LYPLAL1: variants seen among roughly 807,000 people sequenced by gnomAD.
LYPLAL1 encodes the protein lysophospholipase like 1, also known as lysophospholipase-like protein 1.
A neutral mutation model predicts 19.7 loss-of-function variants in LYPLAL1; 23 were observed. That is an observed-to-expected ratio of 1.17 (90% CI 0.84 to 1.65). The LOEUF is 1.65. LYPLAL1 is among the 40% of genes most tolerant of loss of function. The pLI is 0.00. For missense variants in LYPLAL1, 355 were observed against 279.4 expected (o/e 1.27, Z -1.93); for synonymous variants, 119 against 96.3 (o/e 1.24, Z -1.38).
At chr1:219,436,976 A>G in the LYPLAL1 span, 1 of 152,178 alleles carries the variant, frequency 6.6e-6, no homozygotes, top group African/African-American at 2.4e-5. Context: ...TTCTTGATAT[A>G]TTAGACAACA....
At chr1:219,417,096 CT>C in the LYPLAL1 span, among the ~76,000 whole-genome samples, 1 of 152,154 alleles carries the variant, frequency 6.6e-6, no homozygotes, top group Non-Finnish European at 1.5e-5. Context: ...TTTTTTCCCC[CT>C]TTCCAAACTA....
chr1:219,420,566 T>A, the LYPLAL1 span, among the ~76,000 whole-genome samples: 1 of 152,192 alleles, frequency 6.6e-6, no homozygotes, highest in African/African-American at 2.4e-5. Flanking sequence ...ACACTGATGG[T>A]TTTGCAAATC....
At chr1:219,385,386 G>A in the LYPLAL1 span, among the ~76,000 whole-genome samples, 1 of 152,140 alleles carries the variant, frequency 6.6e-6, no homozygotes, top group African/African-American at 2.4e-5. Flanking sequence ...TCAAAAGTTT[G>A]CAACAGATGG....
chr1:219,366,004 G>C, the LYPLAL1 span, among the ~76,000 whole-genome samples: 1 of 152,062 alleles, frequency 6.6e-6, no homozygotes, highest in African/African-American at 2.4e-5. Context: ...TTGTGTATTG[G>C]ACCTTATCTC....
the LYPLAL1 span, among the ~76,000 whole-genome samples, chr1:219,396,690 A>G: frequency 3.3e-5 from 5 of 152,078 alleles, no homozygotes; most frequent in East Asian, 7.7e-4. Context: ...ATGTGTGGCA[A>G]TTTTGAATGA....
At chr1:219,186,154 G>T (rs1240600966) in intron 2 of LYPLAL1, among the ~76,000 whole-genome samples, 1 of 151,706 alleles carries the variant, frequency 6.6e-6, no homozygotes, top group Non-Finnish European at 1.5e-5. Context: ...AGCTATTCTA[G>T]ATATTCTTAT....
the LYPLAL1 span, among the ~76,000 whole-genome samples, chr1:219,334,685 A>G: frequency 6.6e-6 from 1 of 151,974 alleles, no homozygotes; most frequent in African/African-American, 2.4e-5. Flanking sequence ...TTAGTATGAA[A>G]TAGATTCCCA....
At chr1:219,226,924 C>G in the LYPLAL1 span, among the ~76,000 whole-genome samples, 1 of 152,136 alleles carries the variant, frequency 6.6e-6, no homozygotes, top group Non-Finnish European at 1.5e-5. Context: ...AAGTTACTTG[C>G]AAAACCAATT....
the LYPLAL1 span, among the ~76,000 whole-genome samples, chr1:219,298,218 G>T: frequency 6.6e-6 from 1 of 152,124 alleles, no homozygotes; most frequent in Non-Finnish European, 1.5e-5. Context: ...GCTGAGGTGG[G>T]AGAATCACCT....
chr1:219,249,678 G>T, the LYPLAL1 span, among the ~76,000 whole-genome samples: 2 of 152,118 alleles, frequency 1.3e-5, no homozygotes, highest in South Asian at 4.1e-4. Flanking sequence ...AGTACTAGTT[G>T]CTTCATATTG....
the LYPLAL1 span, among the ~76,000 whole-genome samples, chr1:219,280,038 A>G: frequency 6.6e-6 from 1 of 152,228 alleles, no homozygotes; most frequent in Admixed American, 6.5e-5. Context: ...TTTCACCCAG[A>G]TGAGGTGGCA....
At chr1:219,422,955 T>C in the LYPLAL1 span, among the ~76,000 whole-genome samples, 2 of 152,158 alleles carry the variant, frequency 1.3e-5, no homozygotes. Flanking sequence ...TGAAAATCCA[T>C]GAGCTTGCAC....
intron 3 of LYPLAL1, chr1:219,193,508 A>C: frequency 4.4e-6 from 1 of 227,476 alleles, no homozygotes; most frequent in Non-Finnish European, 8.7e-6. Flanking sequence ...CTTCTAGTTT[A>C]ATTTTCAGTT....
At chr1:219,393,915 A>G in the LYPLAL1 span, among the ~76,000 whole-genome samples, 3 of 151,726 alleles carry the variant, frequency 2.0e-5, no homozygotes, top group African/African-American at 4.8e-5. Flanking sequence ...TCACATGAAA[A>G]ATATGTTCTA....
the LYPLAL1 span, among the ~76,000 whole-genome samples, chr1:219,338,943 A>T: frequency 6.6e-6 from 1 of 152,008 alleles, no homozygotes; most frequent in African/African-American, 2.4e-5. Context: ...TAAGTTGATT[A>T]GACCAAATTA....
the LYPLAL1 span, among the ~76,000 whole-genome samples, chr1:219,289,291 A>G: frequency 6.6e-6 from 1 of 152,090 alleles, no homozygotes; most frequent in Non-Finnish European, 1.5e-5. Flanking sequence ...TCTGAGAACC[A>G]AGGAAGCCCG....
At chr1:219,180,513 TA>T (rs985888417) in intron 2 of LYPLAL1, among the ~76,000 whole-genome samples, 13 of 152,318 alleles carry the variant, frequency 8.5e-5, no homozygotes, top group African/African-American at 2.9e-4. Context: ...TAATAGAGTT[TA>T]AAAGTTTGGT....
At chr1:219,357,070 A>C in the LYPLAL1 span, among the ~76,000 whole-genome samples, 2 of 152,332 alleles carry the variant, frequency 1.3e-5, no homozygotes, top group African/African-American at 4.8e-5. Context: ...ATGTCACTTG[A>C]ATTTTCACTT....
At chr1:219,429,772 C>A in the LYPLAL1 span, among the ~76,000 whole-genome samples, 1 of 152,140 alleles carries the variant, frequency 6.6e-6, no homozygotes, top group Non-Finnish European at 1.5e-5. Flanking sequence ...TTCATTAGAC[C>A]ATTCAATAAA....
Sources: gnomAD v4.1 joint callset for allele counts (sites outside exome capture counted in the v4.1 genomes callset) on GRCh38, gnomAD v4.1.1 for gene constraint, MANE v1.5 for transcripts, NCBI Gene and HGNC (gene_info 2026-07-23, HGNC 2026-07-21) for gene names.